The following GGPS1 variants were observed in gnomAD, a reference collection of about 807,000 sequenced individuals.
GGPS1 encodes the protein geranylgeranyl pyrophosphate synthase.
A neutral mutation model predicts 28.1 loss-of-function variants in GGPS1; 15 were observed. That is an observed-to-expected ratio of 0.53 (90% CI 0.36 to 0.82). The LOEUF (loss-of-function observed/expected upper bound fraction) is 0.82. GGPS1 is among the 40% of genes least tolerant of loss of function. The pLI, the probability that GGPS1 is intolerant of heterozygous loss-of-function variation, is 0.01. For synonymous variants in GGPS1, 138 were observed against 122.4 expected, an observed-to-expected ratio of 1.13 and a Z score of -0.84; for missense variants, 284 against 348.3, an observed-to-expected ratio of 0.82 and a Z score of 1.47.
chr1:235,335,212 T>C, intron 1 of GGPS1, 30 bp from the exon 2 acceptor site: 1 of 900,820 alleles, frequency 1.1e-6, no homozygotes, highest in Non-Finnish European at 1.8e-6. Flanking sequence ...ATTAGTTTCA[T>C]GTGATCTTTA....
chr1:235,337,734 A>G (rs1558326222), intron 2 of GGPS1, among the ~76,000 whole-genome samples: 2 of 152,000 alleles, frequency 1.3e-5, no homozygotes, highest in Non-Finnish European at 2.9e-5. Flanking sequence ...CGGGAGTCAC[A>G]GGAGCCTAGG....
chr1:235,342,556 G>C lies in GGPS1; in HGVS notation c.687G>C (p.Gln229His). The C allele has an allele frequency of 6.2e-7, 1 of 1,611,892 alleles. No individual in the cohort carries two copies. Among genetic ancestry groups the C allele is most frequent in the African/African-American group, 1.3e-5 (1 of 74,964 alleles). The part of the protein sequence containing the change: ...HAIWSRPEST[Q>H]VQNILRQRTE... ...TTTGGTCAAGGCCTGAAAGCACCCA[G>C]GTGCAGAATATCTTGCGCCAGAGAA... is the stretch of plus-strand genomic sequence containing the variant. The change falls in exon 4 of 4, where the codon CAG becomes CAC. Residue 229 changes from glutamine to histidine, a missense_variant. By Grantham distance (24) the Gln-to-His change is conservative. Coordinates refer to ENST00000282841, the MANE Select transcript of GGPS1 (RefSeq NM_004837.4).
intron 1 of GGPS1, 32 bp downstream of exon 1, chr1:235,328,810 C>G (rs905697848): frequency 2.0e-5 from 3 of 151,298 alleles, no homozygotes; most frequent in Non-Finnish European, 4.4e-5. Context: ...TGGGGGGAAC[C>G]CGGATGGGAA....
chr1:235,333,861 A>C (rs1405805310), intron 1 of GGPS1, among the ~76,000 whole-genome samples: 1 of 152,228 alleles, frequency 6.6e-6, no homozygotes, highest in Non-Finnish European at 1.5e-5. Context: ...TAAAGACTAA[A>C]TCATAGTCCC....
At chr1:235,328,389 G>A (rs1165053103), upstream of GGPS1, 1 of 152,380 alleles carries the variant, frequency 6.6e-6, no homozygotes, top group Middle Eastern at 3.2e-3. Flanking sequence ...GAAACAGAAA[G>A]TTACGCCTCA....
intron 3 of GGPS1, 53 bp from the exon 4 acceptor site, chr1:235,341,958 C>CT (rs1275900550): frequency 8.7e-7 from 1 of 1,144,600 alleles, no homozygotes; most frequent in South Asian, 1.5e-5. Flanking sequence ...GTTAATTAAA[C>CT]TGAGTAAGTT....
At chr1:235,331,132 A>T (rs571548634) in intron 1 of GGPS1, among the ~76,000 whole-genome samples, 11 of 152,274 alleles carry the variant, frequency 7.2e-5, no homozygotes, top group Non-Finnish European at 7.4e-5. Context: ...TATGTTGATT[A>T]TTTCGCTTAC....
chr1:235,340,629 G>C (rs576573126), intron 2 of GGPS1, among the ~76,000 whole-genome samples: 4 of 149,992 alleles, frequency 2.7e-5, no homozygotes, highest in Non-Finnish European at 4.4e-5. Flanking sequence ...CCAGCTACTC[G>C]GGAGGCTGAG....
At chr1:235,338,322 C>T (rs1675926314) in intron 2 of GGPS1, among the ~76,000 whole-genome samples, 1 of 151,092 alleles carries the variant, frequency 6.6e-6, no homozygotes, top group South Asian at 2.1e-4. Context: ...GTTGAGGCTG[C>T]AGTAAGCCAA....
intron 2 of GGPS1, among the ~76,000 whole-genome samples, chr1:235,335,948 G>A (rs10925482): frequency 0.32 from 48,886 of 152,036 alleles, 8,221 homozygotes; most frequent in South Asian, 0.52. Flanking sequence ...ATATACTACT[G>A]GTTCCTTTGA....
Position 235,343,075 on chromosome 1 carries a change from TA to T in GGPS1, c.*309del. On this transcript the variant is annotated 3_prime_UTR_variant, in exon 4 of 4. Transcript: ENST00000282841. ...ATCAATGTTGTGTTTATTCCGTCAA[TA>T]AAAAAGACTTGCTTCCAGGAATTTT... 4.7e-6 allele frequency: 1 copy of T among 213,546 alleles called. No homozygotes were observed. Among genetic ancestry groups the T allele is most frequent in the Non-Finnish European group, 1.0e-5 (1 of 99,468 alleles). The allele number at this position is 213,546 out of a possible 1,614,324, so 13.2% of individuals were successfully genotyped here.
chr1:235,335,222 A>G lies in GGPS1; in HGVS notation c.-23-20A>G, dbSNP rs776210182. On this transcript the variant is annotated intron_variant, in intron 1 of 3. Coordinates refer to ENST00000282841, the MANE Select transcript of GGPS1 (RefSeq NM_004837.4). ...AGATGATTAGTTTCATGTGATCTTT[A>G]TGTTTCTCCTTTTTGACAGATTAGC... 3 of 969,894 alleles carry G rather than the reference A, an allele frequency of 3.1e-6. No homozygotes were observed. Among genetic ancestry groups the G allele is most frequent in the South Asian group, 2.7e-5 (2 of 73,212 alleles). The allele number at this position is 969,894 out of a possible 1,614,324, so 60.1% of individuals were successfully genotyped here. A position where few individuals can be genotyped will look rare whatever the true frequency, so the allele number is the denominator to read the frequency against.
chr1:235,333,759 T>C (rs1303149077), intron 1 of GGPS1, among the ~76,000 whole-genome samples: 2 of 152,198 alleles, frequency 1.3e-5, no homozygotes, highest in Non-Finnish European at 2.9e-5. Flanking sequence ...TGCAACTCAT[T>C]GAACAGCCCT....
chr1:235,332,582 A>C (rs955473431), intron 1 of GGPS1, among the ~76,000 whole-genome samples: 2 of 152,194 alleles, frequency 1.3e-5, no homozygotes, highest in African/African-American at 4.8e-5. Flanking sequence ...GTATTTACTC[A>C]GGATCTTTGG....
chr1:235,332,607 A>G (rs939094360), intron 1 of GGPS1, among the ~76,000 whole-genome samples: 6 of 152,206 alleles, frequency 3.9e-5, no homozygotes, highest in African/African-American at 1.2e-4. Flanking sequence ...GCTTGGCTGC[A>G]TGTATATGAA....
intron 2 of GGPS1, among the ~76,000 whole-genome samples, chr1:235,340,722 C>T (rs60225479): frequency 9.4e-4 from 95 of 101,540 alleles, no homozygotes; most frequent in African/African-American, 3.1e-3. Context: ...GGCGACAGAG[C>T]GAGACTCCGT....
chr1:235,330,048 C>A (rs1308287035), intron 1 of GGPS1: 1 of 152,118 alleles, frequency 6.6e-6, no homozygotes, highest in Non-Finnish European at 1.5e-5. Flanking sequence ...CACACTAATG[C>A]CTCTTTACAT....
intron 1 of GGPS1, 41 bp from the exon 2 acceptor site, chr1:235,335,201 G>T: frequency 1.2e-6 from 1 of 820,404 alleles, no homozygotes; most frequent in South Asian, 1.5e-5. Context: ...ACTGAAAGAT[G>T]ATTAGTTTCA....
At chr1:235,331,047 A>G (rs548949230) in intron 1 of GGPS1, among the ~76,000 whole-genome samples, 30 of 152,366 alleles carry the variant, frequency 2.0e-4, no homozygotes, top group African/African-American at 7.2e-4. Context: ...GAGATCAAAT[A>G]GTATAGGTAA....
Sources: gnomAD v4.1 joint callset for allele counts (sites outside exome capture counted in the v4.1 genomes callset) on GRCh38, gnomAD v4.1.1 for gene constraint, MANE v1.5 for transcripts, NCBI Gene and HGNC (gene_info 2026-07-23, HGNC 2026-07-21) for gene names.